CDNF: variants seen among roughly 807,000 people sequenced by gnomAD.
The protein encoded by CDNF is ARMET-like protein 1.
In CDNF, 9 loss-of-function variants were observed where a neutral mutation model predicts 14.8. The ratio of observed to expected loss-of-function variants is 0.61; its 90% CI spans 0.37 to 1.06. The LOEUF (loss-of-function observed/expected upper bound fraction) is 1.06. Among genes scored for constraint, CDNF ranks in the 50% least tolerant of loss-of-function variants. CDNF has a pLI of 0.01. For missense variants in CDNF, 228 were observed against 228.4 expected, an observed-to-expected ratio of 1.00 and a Z score of 0.01; for synonymous variants, 86 against 87.2, an observed-to-expected ratio of 0.99 and a Z score of 0.07.
chr10:14,824,536 G>A (rs545226874), intron 3 of CDNF, among the ~76,000 whole-genome samples: 1 of 149,926 alleles, frequency 6.7e-6, no homozygotes, highest in East Asian at 2.0e-4. Context: ...AACCCACGAG[G>A]CAGAGATTGC....
In CDNF at chr10:14,828,187, C is replaced by A. The variant is rs1475175243; in HGVS notation, c.201G>T (p.Leu67Phe). Reference sequence around the variant, plus strand: ...CTTTGGTGTCCAAGCAAAAACTGATCAATTCTTTCTCTATAGTGTCCAGCG... The same window carrying A: ...CTTTGGTGTCCAAGCAAAAACTGATAAATTCTTTCTCTATAGTGTCCAGCG... ...NFSLDTIEKE[L>F]ISFCLDTKGK... The change falls in exon 2 of 4, where the codon TTG (leucine) becomes TTT (phenylalanine). Residue 67 changes from leucine to phenylalanine, a missense_variant. By Grantham distance (22) the Leu-to-Phe change is conservative. Coordinates refer to ENST00000465530, the MANE Select transcript of CDNF (RefSeq NM_001029954.3). 8 of 1,613,822 alleles carry A rather than the reference C, an allele frequency of 5.0e-6. No homozygotes were observed. The highest frequency in any genetic ancestry group is 6.8e-6 in the Non-Finnish European group (8 of 1,179,776).
intron 3 of CDNF, among the ~76,000 whole-genome samples, chr10:14,820,605 T>C (rs1426915611): frequency 6.6e-6 from 1 of 151,932 alleles, no homozygotes; most frequent in Non-Finnish European, 1.5e-5. Flanking sequence ...GGCGGTGGCA[T>C]GCCTGTAATC....
chr10:14,836,063 T>C (rs1368080331), intron 1 of CDNF, among the ~76,000 whole-genome samples: 3 of 152,244 alleles, frequency 2.0e-5, no homozygotes, highest in Non-Finnish European at 4.4e-5. Context: ...ACGAAACATA[T>C]CAATAGGTCC....
At chr10:14,832,876 T>G (rs1833855486) in intron 1 of CDNF, among the ~76,000 whole-genome samples, 1 of 147,600 alleles carries the variant, frequency 6.8e-6, no homozygotes, top group African/African-American at 2.5e-5. Flanking sequence ...TTTTTTTTTT[T>G]TGAGACAGAA....
At chr10:14,837,150 A>G (rs1382537663) in intron 1 of CDNF, among the ~76,000 whole-genome samples, 3 of 152,202 alleles carry the variant, frequency 2.0e-5, no homozygotes, top group Non-Finnish European at 4.4e-5. Flanking sequence ...TAGCATAGCC[A>G]CTTACCTTCT....
intron 3 of CDNF, among the ~76,000 whole-genome samples, chr10:14,822,586 T>C (rs894924177): frequency 6.6e-6 from 1 of 150,974 alleles, no homozygotes; most frequent in Non-Finnish European, 1.5e-5. Flanking sequence ...AAAAAAAAAG[T>C]GTCTTTTGCC....
chr10:14,820,376 C>T (rs764915147), intron 3 of CDNF, among the ~76,000 whole-genome samples: 130 of 152,084 alleles, frequency 8.5e-4, no homozygotes, highest in Non-Finnish European at 9.1e-4. Context: ...GCAGATTCAA[C>T]CAACAGCAGA....
intron 3 of CDNF, among the ~76,000 whole-genome samples, chr10:14,822,778 T>G (rs1247068724): frequency 6.6e-6 from 1 of 152,208 alleles, no homozygotes; most frequent in Non-Finnish European, 1.5e-5. Flanking sequence ...ATTTGTCAAA[T>G]TATTTGTCAA....
At chr10:14,834,070 G>A (rs1160538126) in intron 1 of CDNF, 2 of 152,188 alleles carry the variant, frequency 1.3e-5, no homozygotes, top group African/African-American at 4.8e-5. Context: ...GCCAGGCACG[G>A]GAGTTCACAC....
At chr10:14,821,130 C>CT (rs919214923) in intron 3 of CDNF, among the ~76,000 whole-genome samples, 1,970 of 146,122 alleles carry the variant, frequency 0.013, 37 homozygotes, top group African/African-American at 0.038. Context: ...AGTTCTTTTT[C>CT]TTTTTTTTTT....
intron 3 of CDNF, among the ~76,000 whole-genome samples, chr10:14,821,540 G>A (rs1833738457): frequency 6.6e-6 from 1 of 152,178 alleles, no homozygotes; most frequent in Admixed American, 6.5e-5. Context: ...ATGCACATGG[G>A]TTATATGCAA....
intron 3 of CDNF, among the ~76,000 whole-genome samples, chr10:14,821,577 C>G (rs1833738662): frequency 6.6e-6 from 1 of 152,158 alleles, no homozygotes; most frequent in South Asian, 2.1e-4. Context: ...ATTTTAGTGT[C>G]TGAGTATGGT....
chr10:14,821,104 T>G (rs1300978741), intron 3 of CDNF, among the ~76,000 whole-genome samples: 1 of 152,154 alleles, frequency 6.6e-6, no homozygotes, highest in Non-Finnish European at 1.5e-5. Context: ...TCTTTATAAA[T>G]TACCCAGTCT....
At chr10:14,833,150 T>G (rs968073892) in intron 1 of CDNF, among the ~76,000 whole-genome samples, 2 of 152,160 alleles carry the variant, frequency 1.3e-5, no homozygotes, top group African/African-American at 2.4e-5. Flanking sequence ...TGAGCCACCA[T>G]GCCTGGCCAG....
intron 1 of CDNF, among the ~76,000 whole-genome samples, chr10:14,835,124 A>T (rs1171258829): frequency 6.6e-6 from 1 of 152,088 alleles, no homozygotes; most frequent in Non-Finnish European, 1.5e-5. Flanking sequence ...TGGTTTTTTG[A>T]CTGTGTTGAT....
Position 14,828,289 on chromosome 10 carries a change from AAT to A in CDNF, c.116-19_116-18del. 1 of 1,612,428 alleles carries A rather than the reference AAT, an allele frequency of 6.2e-7. No homozygotes were observed. Among genetic ancestry groups the A allele is most frequent in the South Asian group, 1.1e-5 (1 of 91,004 alleles). ...CTTTACATACTGGAAGGAACAAATAAATATGTCTGCATGCACAACTTAACCAC... is the reference window on the plus strand; with the variant it reads ...CTTTACATACTGGAAGGAACAAATAAATGTCTGCATGCACAACTTAACCAC... On this transcript the variant is annotated intron_variant, in intron 1 of 3. Coordinates refer to ENST00000465530, the MANE Select transcript of CDNF (RefSeq NM_001029954.3).
intron 3 of CDNF, among the ~76,000 whole-genome samples, chr10:14,825,241 C>T (rs1427082131): frequency 1.3e-5 from 2 of 152,306 alleles, no homozygotes; most frequent in East Asian, 1.9e-4. Context: ...AAGGCCTGAG[C>T]CACCGCGCCA....
At chr10:14,825,996 CAGCAGA>C (rs1833776708) in intron 2 of CDNF, among the ~76,000 whole-genome samples, 1 of 115,526 alleles carries the variant, frequency 8.7e-6, no homozygotes, top group Non-Finnish European at 1.7e-5. Flanking sequence ...GAAGAAGAAG[CAGCAGA>C]AGAAGCAGAA....
intron 2 of CDNF, among the ~76,000 whole-genome samples, chr10:14,826,008 C>CAGAAGA (rs1564313182): frequency 1.2e-5 from 1 of 84,916 alleles, no homozygotes. Context: ...GCAGAAGAAG[C>CAGAAGA]AGAAGCAGAA....
Sources: gnomAD v4.1 joint callset for allele counts (sites outside exome capture counted in the v4.1 genomes callset) on GRCh38, gnomAD v4.1.1 for gene constraint, MANE v1.5 for transcripts, NCBI Gene and HGNC (gene_info 2026-07-23, HGNC 2026-07-21) for gene names.